DNAJA2: variants seen among roughly 807,000 people sequenced by gnomAD.
DNAJA2 encodes the protein dnaJ homolog subfamily A member 2.
A neutral mutation model predicts 49.3 loss-of-function variants in DNAJA2; 6 were observed. That is an observed-to-expected ratio of 0.12 (90% confidence interval 0.07 to 0.24). The LOEUF (loss-of-function observed/expected upper bound fraction) is 0.24, where lower values mean the gene tolerates loss of function less well. Ranked by LOEUF, DNAJA2 falls within the 10% of genes least tolerant of loss-of-function variation. DNAJA2 has a pLI of 1.00. For synonymous variants in DNAJA2, 160 were observed against 172.7 expected (o/e 0.93, Z 0.58); for missense variants, 347 against 516.8 (o/e 0.67, Z 3.19).
rs370257555 is a variant in DNAJA2, at chr16:46,968,142, T to C, written c.385A>G (p.Asn129Asp). 1.9e-5 allele frequency: 30 copies of C among 1,604,912 alleles called. No homozygotes were observed. The highest frequency in any genetic ancestry group is 2.5e-5 in the Non-Finnish European group (29 of 1,177,236). ...PLKVSLEDLYNGKTTKLQLSK... is the reference protein window; with the variant it reads ...PLKVSLEDLYDGKTTKLQLSK... The stretch of plus-strand genomic sequence containing the variant: ...AGTTGTAGTTTGGTTGTCTTGCCAT[T>C]ATACAGATCTTCTAAAGATACTCTG... Residue 129 changes from asparagine to aspartate, a missense_variant, in exon 4 of 9, where the codon AAT becomes GAT. Coordinates refer to ENST00000317089, the MANE Select transcript of DNAJA2 (RefSeq NM_005880.4).
intron 6 of DNAJA2, among the ~76,000 whole-genome samples, chr16:46,960,508 C>G (rs1961880485): frequency 1.3e-5 from 2 of 152,230 alleles, no homozygotes; most frequent in African/African-American, 4.8e-5. Flanking sequence ...AGGCCAGGTG[C>G]AGTGGCTCAC....
intron 1 of DNAJA2, chr16:46,972,734 T>C (rs1349885861): frequency 2.0e-5 from 3 of 152,260 alleles, no homozygotes; most frequent in Non-Finnish European, 4.4e-5. Context: ...ATGCCTCGTG[T>C]GCTTTGAAAT....
chr16:46,968,339 C>G (rs1262583200), intron 3 of DNAJA2, among the ~76,000 whole-genome samples, 175 bp from the exon 4 acceptor site: 1 of 152,162 alleles, frequency 6.6e-6, no homozygotes, highest in Non-Finnish European at 1.5e-5. Context: ...CTCAAATTAA[C>G]AGAAATATTT....
chr16:46,964,850 C>A (rs1430896547), intron 5 of DNAJA2, 43 bp from the exon 6 acceptor site: 1 of 1,427,460 alleles, frequency 7.0e-7, no homozygotes, highest in East Asian at 2.3e-5. Context: ...GAGTACTATA[C>A]TGTACTCTTA....
intron 6 of DNAJA2, among the ~76,000 whole-genome samples, chr16:46,962,207 T>C (rs899441090): frequency 6.6e-6 from 1 of 152,194 alleles, no homozygotes; most frequent in Non-Finnish European, 1.5e-5. Flanking sequence ...GACTCTTTAA[T>C]ATCCAAAAAG....
chr16:46,967,347 T>A (rs527481739), intron 5 of DNAJA2, among the ~76,000 whole-genome samples, 166 bp downstream of exon 5: 19 of 152,152 alleles, frequency 1.2e-4, no homozygotes, highest in Admixed American at 9.8e-4. Context: ...TCCACCTCTG[T>A]CTCCCAAAGT....
At chr16:46,967,435 A>G (rs1961987909) in intron 5 of DNAJA2, 78 bp downstream of exon 5, 4 of 1,572,838 alleles carry the variant, frequency 2.5e-6, no homozygotes, top group Admixed American at 3.7e-5. Context: ...CCTTTGAAAT[A>G]AAAAATTGTA....
chr16:46,960,200 A>G (rs1961875112), intron 6 of DNAJA2, among the ~76,000 whole-genome samples: 1 of 152,228 alleles, frequency 6.6e-6, no homozygotes, highest in African/African-American at 2.4e-5. Context: ...TACTCATTAA[A>G]CAAAGTTAAA....
At chr16:46,962,033 T>C (rs1596655319) in intron 6 of DNAJA2, among the ~76,000 whole-genome samples, 3 of 152,146 alleles carry the variant, frequency 2.0e-5, no homozygotes, top group African/African-American at 7.2e-5. Context: ...ACTTCCATTC[T>C]AACCTTTACC....
At chr16:46,966,424 T>A (rs960359929) in intron 5 of DNAJA2, among the ~76,000 whole-genome samples, 17 of 152,140 alleles carry the variant, frequency 1.1e-4, no homozygotes, top group African/African-American at 4.1e-4. Context: ...TAATTCAAAT[T>A]TAAAATAGTT....
intron 5 of DNAJA2, among the ~76,000 whole-genome samples, chr16:46,965,462 G>A (rs1400220283): frequency 6.6e-6 from 1 of 152,190 alleles, no homozygotes; most frequent in Non-Finnish European, 1.5e-5. Flanking sequence ...AGAAAGAAGT[G>A]TATAACTGAT....
chr16:46,973,403 G>C, intron 1 of DNAJA2, 92 bp downstream of exon 1: 1 of 1,177,086 alleles, frequency 8.5e-7, no homozygotes, highest in Admixed American at 4.1e-5. Flanking sequence ...GCCGGCTCGC[G>C]GGCAGCCCAG....
intron 1 of DNAJA2, 132 bp downstream of exon 1, chr16:46,973,363 G>T: frequency 1.3e-6 from 1 of 757,812 alleles, no homozygotes; most frequent in Non-Finnish European, 1.7e-6. Context: ...CGCCGCCGCC[G>T]ACTCCCAGCC....
intron 6 of DNAJA2, among the ~76,000 whole-genome samples, chr16:46,960,372 G>T (rs753887650): frequency 6.6e-6 from 1 of 152,172 alleles, no homozygotes; most frequent in Admixed American, 6.5e-5. Context: ...GGCAATTCTT[G>T]TGTGTGTGCT....
chr16:46,956,233 C>T lies in DNAJA2; in HGVS notation c.*796G>A, dbSNP rs1961808670. On this transcript the variant is annotated 3_prime_UTR_variant, in exon 9 of 9. Coordinates refer to ENST00000317089, the MANE Select transcript of DNAJA2 (RefSeq NM_005880.4). ...TCACTGAAGCCACTGAAGACTGTCT[C>T]TACCAGCCTTTTGTCTTCCAAGACT... 6.6e-6 allele frequency: 1 copy of T among 152,162 alleles called. No homozygotes were observed. 9.4% of individuals were successfully genotyped at this position (152,162 alleles called of 1,614,324 possible). A position where few individuals can be genotyped will look rare whatever the true frequency, so the allele number is the denominator to read the frequency against.
intron 7 of DNAJA2, 44 bp from the exon 8 acceptor site, chr16:46,959,174 G>T (rs1270442639): frequency 6.3e-7 from 1 of 1,575,278 alleles, no homozygotes; most frequent in Non-Finnish European, 8.6e-7. Flanking sequence ...CCCAAAAGAG[G>T]TGTTCAATTT....
chr16:46,958,689 G>C (rs938373913), intron 8 of DNAJA2: 1 of 242,682 alleles, frequency 4.1e-6, no homozygotes, highest in African/African-American at 2.2e-5. Flanking sequence ...TAAGGCATGA[G>C]AATCACTTGA....
At chr16:46,959,870 C>G (rs1397566719) in intron 6 of DNAJA2, among the ~76,000 whole-genome samples, 1 of 152,198 alleles carries the variant, frequency 6.6e-6, no homozygotes. Context: ...TAACACCCAG[C>G]CAGCAAAGTC....
At position 46,957,115 on chromosome 16, in the gene DNAJA2, C is replaced by T; in HGVS notation, c.1153G>A (p.Gly385Ser). 6.2e-7 allele frequency: 1 copy of T among 1,614,180 alleles called. No individual in the cohort carries two copies. Among genetic ancestry groups the T allele is most frequent in the Non-Finnish European group, 8.5e-7 (1 of 1,180,022 alleles). The change falls in exon 9 of 9, where the codon GGT (glycine) becomes AGT (serine). Residue 385 changes from glycine (G) to serine (S), a missense_variant. Coordinates refer to ENST00000317089, the MANE Select transcript of DNAJA2 (RefSeq NM_005880.4). ...EFDSTRGSGG[G>S]QRREAYNDSS... ...TCATTATAGGCTTCACGCCTCTGAC[C>T]ACCTCCTGAGCCTCGAGTGCTATCA... is the stretch of plus-strand genomic sequence containing the variant.
Sources: gnomAD v4.1 joint callset for allele counts (sites outside exome capture counted in the v4.1 genomes callset) on GRCh38, gnomAD v4.1.1 for gene constraint, MANE v1.5 for transcripts, NCBI Gene and HGNC (gene_info 2026-07-23, HGNC 2026-07-21) for gene names.